RTN4RL1: variants seen among roughly 807,000 people sequenced by gnomAD.
RTN4RL1 encodes the protein reticulon-4 receptor-like 1.
A neutral mutation model predicts 25.6 loss-of-function variants in RTN4RL1; 7 were observed. The ratio of observed to expected loss-of-function variants is 0.27; its 90% CI spans 0.16 to 0.51. The LOEUF (loss-of-function observed/expected upper bound fraction) is 0.51, where lower values mean the gene tolerates loss of function less well. Ranked by LOEUF, RTN4RL1 falls within the 20% of genes least tolerant of loss-of-function variation. The pLI is 0.97. For missense variants in RTN4RL1, 500 were observed against 615.6 expected (o/e 0.81, Z 1.99); for synonymous variants, 297 against 288.2 (o/e 1.03, Z -0.31).
rs1446100563 is a variant in RTN4RL1, at chr17:1,969,651, C to T, written c.14-31843G>A. On this transcript the variant is annotated intron_variant, in intron 1 of 1. Coordinates refer to ENST00000331238, the MANE Select transcript of RTN4RL1 (RefSeq NM_178568.4). ...CTCCTCTGCCTGCCTGGACTATCTG[C>T]CAGAATTTGAGTGAGGTGGCTGGCT... 2.0e-5 allele frequency among the ~76,000 whole-genome samples: 3 copies of T among 152,184 alleles called. No individual in the cohort carries two copies. The East Asian group carries it at 5.8e-4, about 29-fold the overall frequency.
chr17:1,961,773 CAAAAAAAAAAA>C (rs1163170575), intron 1 of RTN4RL1, among the ~76,000 whole-genome samples: 10 of 55,578 alleles, frequency 1.8e-4, no homozygotes, highest in African/African-American at 4.8e-4. Flanking sequence ...ACTAAAAATA[CAAAAAAAAAAA>C]AAAAAAAAAA....
rs187121224 is a variant in RTN4RL1 at position 2,021,645 on chromosome 17, C to A, written c.13+3208G>T. Among the ~76,000 whole-genome samples, 364 of 149,644 alleles carry A rather than the reference C, an allele frequency of 2.4e-3. 1 individual carries two copies. Among genetic ancestry groups the A allele is most frequent in the African/African-American group, 8.4e-3 (343 of 40,718 alleles). Reference sequence around the variant, plus strand: ...TCTTGGCTCACTGTAACCTCCGCCTCCCGGGTTCAAGCAATTCTCCTGCCT... The same window carrying A: ...TCTTGGCTCACTGTAACCTCCGCCTACCGGGTTCAAGCAATTCTCCTGCCT... On this transcript the variant is annotated intron_variant, in intron 1 of 1. Coordinates refer to ENST00000331238, the MANE Select transcript of RTN4RL1 (RefSeq NM_178568.4).
intron 1 of RTN4RL1, among the ~76,000 whole-genome samples, chr17:1,939,087 TC>T (rs1915378947): frequency 6.6e-6 from 1 of 150,888 alleles, no homozygotes; most frequent in Non-Finnish European, 1.5e-5. Context: ...GAGCAGTGGC[TC>T]ACACCTGTAG....
In RTN4RL1 at chr17:2,025,138, CG is replaced by C. The variant is rs1367195676; in HGVS notation, c.-274del. ...GGGCGAGCGGCTTGCTCCGCGGAGC[CG>C]GCGGCCTGCTTCTGCCACCCGGAGC... On this transcript the variant is annotated 5_prime_UTR_variant, in exon 1 of 2. Transcript: ENST00000331238. The surrounding 1 kb of genome is among the most constrained non-coding windows in gnomAD (Gnocchi z 4.8). 6.3e-6 allele frequency: 2 copies of C among 319,698 alleles called. No homozygotes were observed. The highest frequency in any genetic ancestry group is 9.6e-5 in the East Asian group (2 of 20,796). 19.8% of individuals were successfully genotyped at this position (319,698 alleles called of 1,614,324 possible).
At chr17:1,978,882 C>T (rs1331190533) in intron 1 of RTN4RL1, among the ~76,000 whole-genome samples, 1 of 152,258 alleles carries the variant, frequency 6.6e-6, no homozygotes, top group Non-Finnish European at 1.5e-5. Flanking sequence ...AGGTAGGGCC[C>T]AGAGAAGGGT....
intron 1 of RTN4RL1, among the ~76,000 whole-genome samples, chr17:1,943,746 G>A (rs1389188392): frequency 1.3e-5 from 2 of 152,182 alleles, no homozygotes; most frequent in Non-Finnish European, 2.9e-5. Flanking sequence ...CCCCTCTGCA[G>A]CCCCGCCTGG....
At chr17:1,989,188 G>C (rs1404119264) in intron 1 of RTN4RL1, among the ~76,000 whole-genome samples, 2 of 152,144 alleles carry the variant, frequency 1.3e-5, no homozygotes, top group African/African-American at 4.8e-5. Context: ...ACGGAGAGGA[G>C]GGGATGGAGG....
chr17:1,959,983 C>T (rs981075810), intron 1 of RTN4RL1, among the ~76,000 whole-genome samples: 5 of 150,958 alleles, frequency 3.3e-5, no homozygotes, highest in Non-Finnish European at 5.9e-5. Flanking sequence ...ATCTAATAAG[C>T]AGCTCAAACT....
intron 1 of RTN4RL1, among the ~76,000 whole-genome samples, chr17:1,940,302 T>C (rs982462975): frequency 1.3e-5 from 2 of 152,348 alleles, no homozygotes; most frequent in Admixed American, 6.5e-5. Context: ...ACTTCAGCGG[T>C]GGCGGTGGCA....
In RTN4RL1 at chr17:1,937,150, G is replaced by A; in HGVS notation, c.672C>T (p.Thr224=). 5.6e-6 allele frequency: 9 copies of A among 1,611,884 alleles called. No individual in the cohort carries two copies. Among genetic ancestry groups the A allele is most frequent in the Non-Finnish European group, 6.8e-6 (8 of 1,179,440 alleles). The change falls in exon 2 of 2, where the codon ACC becomes ACT. Residue 224 remains threonine, a synonymous_variant. Coordinates refer to ENST00000331238, the MANE Select transcript of RTN4RL1 (RefSeq NM_178568.4). Reference sequence around the variant, plus strand: ...GGCTGTTGTTGAAGAGGAAGAGGGTGGTCAGCCTGCGGAGGTCGTGGAACG... The same window carrying A: ...GGCTGTTGTTGAAGAGGAAGAGGGTAGTCAGCCTGCGGAGGTCGTGGAACG... ...HKAFHDLRRL[T]TLFLFNNSLS...
At chr17:1,953,096 A>G (rs988196611) in intron 1 of RTN4RL1, among the ~76,000 whole-genome samples, 1 of 151,338 alleles carries the variant, frequency 6.6e-6, no homozygotes, top group African/African-American at 2.4e-5. Context: ...AATAAAATAA[A>G]ATAAATAAAT....
At chr17:2,006,023 T>C (rs1159936988) in intron 1 of RTN4RL1, among the ~76,000 whole-genome samples, 2 of 152,014 alleles carry the variant, frequency 1.3e-5, no homozygotes, top group African/African-American at 2.4e-5. Context: ...GGTCTCGATC[T>C]CTTGACCTCA....
Position 2,024,972 on chromosome 17 carries a change from C to G in RTN4RL1, c.-107G>C. 8.0e-7 allele frequency: 1 copy of G among 1,254,836 alleles called. No individual in the cohort carries two copies. Among genetic ancestry groups the G allele is most frequent in the Non-Finnish European group, 1.1e-6 (1 of 902,560 alleles). The allele number at this position is 1,254,836 out of a possible 1,614,324, so 77.7% of individuals were successfully genotyped here. A position where few individuals can be genotyped will look rare whatever the true frequency, so the allele number is the denominator to read the frequency against. ...TGCAGCTAATCCGAGCGCGTCGAGGCGGGGGCAAGCCGGGGATCCGCTCGT... is the reference window on the plus strand; with the variant it reads ...TGCAGCTAATCCGAGCGCGTCGAGGGGGGGGCAAGCCGGGGATCCGCTCGT... On this transcript the variant is annotated 5_prime_UTR_variant, in exon 1 of 2. Coordinates refer to ENST00000331238, the MANE Select transcript of RTN4RL1 (RefSeq NM_178568.4).
chr17:1,995,846 ATAT>A (rs1170937399), intron 1 of RTN4RL1: 1 of 152,278 alleles, frequency 6.6e-6, no homozygotes, highest in East Asian at 1.9e-4. Flanking sequence ...GGAACAAGGC[ATAT>A]TAACCCAAAT....
intron 1 of RTN4RL1, among the ~76,000 whole-genome samples, chr17:1,999,949 G>C (rs1401827631): frequency 6.6e-6 from 1 of 152,250 alleles, no homozygotes; most frequent in African/African-American, 2.4e-5. Context: ...TGGGGCCCTG[G>C]AGGCCAGGTG....
intron 1 of RTN4RL1, among the ~76,000 whole-genome samples, chr17:2,000,692 G>T (rs985257697): frequency 6.6e-6 from 1 of 151,610 alleles, no homozygotes; most frequent in South Asian, 2.1e-4. Flanking sequence ...GCTAATTTTT[G>T]TATTTTTAGT....
chr17:2,010,863 A>G (rs1385059758), intron 1 of RTN4RL1, among the ~76,000 whole-genome samples: 2 of 152,360 alleles, frequency 1.3e-5, no homozygotes, highest in Admixed American at 1.3e-4. Context: ...TTGGGATCAC[A>G]GGTGTGAGCC....
chr17:1,940,556 C>A (rs565780520), intron 1 of RTN4RL1, among the ~76,000 whole-genome samples: 1 of 152,190 alleles, frequency 6.6e-6, no homozygotes, highest in Non-Finnish European at 1.5e-5. Flanking sequence ...ACCCAGCCTG[C>A]AGGGGGAGGC....
intron 1 of RTN4RL1, among the ~76,000 whole-genome samples, chr17:1,947,476 T>A (rs997582117): frequency 6.6e-6 from 1 of 152,190 alleles, no homozygotes; most frequent in African/African-American, 2.4e-5. Context: ...GCACTGGCTC[T>A]GGTTTGCCTT....
Sources: gnomAD v4.1 joint callset for allele counts (sites outside exome capture counted in the v4.1 genomes callset) on GRCh38, gnomAD v4.1.1 for gene constraint, Gnocchi (gnomAD v3.1) non-coding constraint, MANE v1.5 for transcripts, NCBI Gene and HGNC (gene_info 2026-07-23, HGNC 2026-07-21) for gene names.